FBXO21: variants seen among roughly 807,000 people sequenced by gnomAD.
FBXO21 encodes F-box protein 21, also known as F-box only protein 21.
Under a neutral mutation model 76.6 loss-of-function variants are expected in FBXO21, and 32 were observed. The observed-to-expected ratio is 0.42, with a 90% CI of 0.32 to 0.56. FBXO21 has a LOEUF of 0.56. Among genes scored for constraint, FBXO21 ranks in the 20% least tolerant of loss-of-function variants. The pLI, the probability that FBXO21 is intolerant of heterozygous loss-of-function variation, is 0.16. For synonymous variants in FBXO21, 328 were observed against 311.5 expected (o/e 1.05, Z -0.56); for missense variants, 586 against 797.3 (o/e 0.73, Z 3.19).
In FBXO21 at chr12:117,145,595, T is replaced by C. The variant is rs1028689339; in HGVS notation, c.*492A>G. ...CCAAGATAGCACACAACTTTACCTC[T>C]GAATATGCAACTAACTTCAGGGTAA... On this transcript the variant is annotated 3_prime_UTR_variant, in exon 12 of 12. Coordinates refer to ENST00000622495, the MANE Select transcript of FBXO21 (RefSeq NM_015002.3). 3.3e-5 allele frequency: 5 copies of C among 152,388 alleles called. No individual in the cohort carries two copies. The highest frequency in any genetic ancestry group is 7.3e-5 in the Non-Finnish European group (5 of 68,162). 9.4% of individuals were successfully genotyped at this position (152,388 alleles called of 1,614,324 possible). A position where few individuals can be genotyped will look rare whatever the true frequency, so the allele number is the denominator to read the frequency against.
intron 11 of FBXO21, among the ~76,000 whole-genome samples, chr12:117,146,637 C>G (rs1955773482): frequency 6.6e-6 from 1 of 152,176 alleles, no homozygotes; most frequent in Non-Finnish European, 1.5e-5. Flanking sequence ...CCTGCCTGCT[C>G]TTTTTTTGGC....
At chr12:117,186,608 GAGT>G (rs1566010194) in intron 2 of FBXO21, 37 bp from the exon 3 acceptor site, 2 of 1,299,820 alleles carry the variant, frequency 1.5e-6, no homozygotes, top group Admixed American at 3.7e-5. Flanking sequence ...CCTCAATTAT[GAGT>G]ATTGATGCAA....
intron 7 of FBXO21, among the ~76,000 whole-genome samples, chr12:117,168,213 C>A (rs1332730553): frequency 6.6e-6 from 1 of 152,198 alleles, no homozygotes; most frequent in Non-Finnish European, 1.5e-5. Context: ...TTCCTTGAGT[C>A]ATATTTATAA....
chr12:117,182,684 T>C (rs1278592674), intron 3 of FBXO21, among the ~76,000 whole-genome samples: 1 of 145,300 alleles, frequency 6.9e-6, no homozygotes, highest in African/African-American at 2.5e-5. Context: ...TGTCTCAGCC[T>C]CCCGAGTAGC....
rs200184688 is a variant in FBXO21, at chr12:117,176,189, C to G, written c.592+1331G>C. ...CTAGTTACAGAAACAAATGTATACA[C>G]AGGAAACAGAAAAAATGCAAGACAG... On this transcript the variant is annotated intron_variant, in intron 4 of 11. Transcript: ENST00000622495. Among the ~76,000 whole-genome samples the G allele has an allele frequency of 9.2e-5, 14 of 152,230 alleles. No homozygotes were observed. The East Asian group carries it at 2.5e-3, about 27-fold the overall frequency.
chr12:117,174,349 A>G lies in FBXO21; in HGVS notation c.740-8T>C. The G allele has an allele frequency of 6.2e-7, 1 of 1,614,046 alleles. No homozygotes were observed. Among genetic ancestry groups the G allele is most frequent in the Non-Finnish European group, 8.5e-7 (1 of 1,179,948 alleles). On this transcript the variant is annotated splice_region_variant and splice_polypyrimidine_tract_variant and intron_variant, in intron 5 of 11. Transcript: ENST00000622495. ...TTATCATGGATGATTCACCTGAAACACAGAGATCTACTCTGGGACCCAAGC... is the reference window on the plus strand; with the variant it reads ...TTATCATGGATGATTCACCTGAAACGCAGAGATCTACTCTGGGACCCAAGC...
intron 11 of FBXO21, among the ~76,000 whole-genome samples, chr12:117,152,310 A>G (rs552158649): frequency 6.6e-6 from 1 of 152,224 alleles, no homozygotes; most frequent in Admixed American, 6.5e-5. Context: ...CTACAAAAAC[A>G]CAAAAAATAG....
At position 117,162,742 on chromosome 12, in the gene FBXO21, C is replaced by T. The variant is rs73393603; in HGVS notation, c.1326+2743G>A. ...CCTTCCACAAACTGGTCTCACACTC[C>T]GTAACAATTTTATACACACATATGT... On this transcript the variant is annotated intron_variant, in intron 9 of 11. Transcript: ENST00000622495. 3.0e-3 allele frequency among the ~76,000 whole-genome samples: 462 copies of T among 152,270 alleles called. 2 individuals carry two copies. The highest frequency in any genetic ancestry group is 0.011 in the African/African-American group (445 of 41,546).
chr12:117,186,724 A>G (rs1387696640), intron 2 of FBXO21, among the ~76,000 whole-genome samples, 153 bp from the exon 3 acceptor site: 2 of 142,428 alleles, frequency 1.4e-5, no homozygotes, highest in Admixed American at 7.8e-5. Context: ...TGGGTAGAAA[A>G]TAACATAAAG....
intron 10 of FBXO21, among the ~76,000 whole-genome samples, chr12:117,156,896 G>A (rs954505804): frequency 6.6e-6 from 1 of 152,104 alleles, no homozygotes; most frequent in Non-Finnish European, 1.5e-5. Context: ...AAAAATACAC[G>A]AAATGGGCTG....
Position 117,162,767 on chromosome 12 carries a change from TAAAAATACACCTC to T in FBXO21, c.1326+2705_1326+2717del, listed in dbSNP as rs1374574217. ...CGTAACAATTTTATACACACATATGTAAAAATACACCTCAAACTGCACACTCATCAGCATAGAA... is the reference window on the plus strand; with the variant it reads ...CGTAACAATTTTATACACACATATGTAAACTGCACACTCATCAGCATAGAA... On this transcript the variant is annotated intron_variant, in intron 9 of 11. Transcript: ENST00000622495. Among the ~76,000 whole-genome samples, 7 of 152,276 alleles carry T rather than the reference TAAAAATACACCTC, an allele frequency of 4.6e-5. No individual in the cohort carries two copies. In the South Asian group the frequency reaches 1.5e-3, roughly 32 times the overall value.
Position 117,145,109 on chromosome 12 carries a change from G to C in FBXO21, c.*978C>G, listed in dbSNP as rs1402546495. 1 of 98,894 alleles carries C rather than the reference G, an allele frequency of 1.0e-5. No homozygotes were observed. The highest frequency in any genetic ancestry group is 3.2e-4 in the South Asian group (1 of 3,118). The allele number at this position is 98,894 out of a possible 1,614,324, so 6.1% of individuals were successfully genotyped here. ...AGGTTCATTAATTTTTTTTTTTCCT[G>C]ATTACAAAAGCAAAACCTCATTTTT... On this transcript the variant is annotated 3_prime_UTR_variant, in exon 12 of 12. Coordinates refer to ENST00000622495, the MANE Select transcript of FBXO21 (RefSeq NM_015002.3).
At chr12:117,165,327 G>C (rs1315969403) in intron 9 of FBXO21, among the ~76,000 whole-genome samples, 158 bp downstream of exon 9, 1 of 152,028 alleles carries the variant, frequency 6.6e-6, no homozygotes, top group Non-Finnish European at 1.5e-5. Flanking sequence ...TAGAATAAGA[G>C]AAGTAAAAAA....
rs762708507 is a variant in FBXO21 at position 117,157,912 on chromosome 12, T to C, written c.1478A>G (p.Asp493Gly). The C allele has an allele frequency of 1.2e-6, 2 of 1,613,636 alleles. No individual in the cohort carries two copies. The highest frequency in any genetic ancestry group is 1.7e-6 in the Non-Finnish European group (2 of 1,179,704). Residue 493 changes from aspartate (D) to glycine (G), a missense_variant, in exon 10 of 12, where the codon GAT becomes GGT. This residue lies in a region of FBXO21 where 164 missense variants were observed against 236.7 expected (regional missense o/e 0.69). Transcript: ENST00000622495. ...AATGAGCCCGATGGAGTAGCAGACA[T>C]CTCTGTGCTTCTCATCGGAGCGCAG... ...VKLRSDEKHR[D>G]VCYSIGLIMK...
At chr12:117,175,703 C>T (rs1478138224) in intron 4 of FBXO21, among the ~76,000 whole-genome samples, 4 of 152,154 alleles carry the variant, frequency 2.6e-5, no homozygotes, top group Non-Finnish European at 4.4e-5. Context: ...TTCTGAAGTC[C>T]GTTCCTTCCT....
chr12:117,143,206 G>C lies in FBXO21; in HGVS notation c.*2881C>G, dbSNP rs910829781. ...TGCAAACACCGGACCCCCGGGGACG[G>C]TGCGTGCGTGTAGGGGAGGGAAATT... On this transcript the variant is annotated 3_prime_UTR_variant, in exon 12 of 12. Transcript: ENST00000622495. 6.6e-6 allele frequency: 1 copy of C among 152,202 alleles called. No individual in the cohort carries two copies. Among genetic ancestry groups the C allele is most frequent in the Non-Finnish European group, 1.5e-5 (1 of 68,044 alleles). 9.4% of individuals were successfully genotyped at this position (152,202 alleles called of 1,614,324 possible).
At position 117,178,506 on chromosome 12, in the gene FBXO21, C is replaced by T. The variant is rs148862845; in HGVS notation, c.471-865G>A. Among the ~76,000 whole-genome samples the T allele has an allele frequency of 2.0e-3, 301 of 152,196 alleles. 2 individuals are homozygous for T. Among genetic ancestry groups the T allele is most frequent in the Middle Eastern group, 6.8e-3 (2 of 294 alleles). Reference sequence around the variant, plus strand: ...CCAAGTCTCCAGCGGTTTCCCACCTCGCTCCAAGAAAAAGCCCAAGTCCTA... The same window carrying T: ...CCAAGTCTCCAGCGGTTTCCCACCTTGCTCCAAGAAAAAGCCCAAGTCCTA... On this transcript the variant is annotated intron_variant, in intron 3 of 11. Transcript: ENST00000622495.
chr12:117,172,592 T>C lies in FBXO21; in HGVS notation c.892A>G (p.Thr298Ala). The change falls in exon 7 of 12, where the codon ACA becomes GCA. Residue 298 changes from threonine to alanine, a missense_variant. Physicochemically the swap from Thr to Ala is moderately conservative, Grantham distance 58. Transcript: ENST00000622495. ...LYMHQVLIRR[T>A]GIPISMSLLY... ...AGAGACATGCTGATTGGGATTCCTG[T>C]TCTGCGAATCAAAACCTAAAGCAGA... 1 of 1,612,662 alleles carries C rather than the reference T, an allele frequency of 6.2e-7. No homozygotes were observed. The highest frequency in any genetic ancestry group is 1.7e-4 in the Middle Eastern group (1 of 6,050).
At chr12:117,153,347 G>A (rs1955867655) in intron 11 of FBXO21, among the ~76,000 whole-genome samples, 1 of 152,134 alleles carries the variant, frequency 6.6e-6, no homozygotes, top group African/African-American at 2.4e-5. Flanking sequence ...AGCAAGGGGG[G>A]TATGGGGGCA....
Sources: gnomAD v4.1 joint callset for allele counts (sites outside exome capture counted in the v4.1 genomes callset) on GRCh38, gnomAD v4.1.1 for gene constraint, gnomAD v4.1.1 regional missense constraint, MANE v1.5 for transcripts, NCBI Gene and HGNC (gene_info 2026-07-23, HGNC 2026-07-21) for gene names.